FAT1: variants seen among roughly 807,000 people sequenced by gnomAD.
The protein encoded by FAT1 is FAT atypical cadherin 1.
A neutral mutation model predicts 329.8 loss-of-function variants in FAT1; 171 were observed. The observed-to-expected ratio is 0.52, with a 90% CI of 0.46 to 0.59. The LOEUF (loss-of-function observed/expected upper bound fraction) is 0.59, where lower values mean the gene tolerates loss of function less well. FAT1 is among the 20% of genes least tolerant of loss of function. FAT1 has a pLI of 0.00. For synonymous variants in FAT1, 2,233 were observed against 2,228.6 expected (o/e 1.00, Z -0.06); for missense variants, 5,672 against 5,774.4 (o/e 0.98, Z 0.57).
intron 2 of FAT1, among the ~76,000 whole-genome samples, chr4:186,686,188 T>C (rs1743452173): frequency 6.6e-6 from 1 of 151,988 alleles, no homozygotes; most frequent in African/African-American, 2.4e-5. Flanking sequence ...GAGTTCCCCA[T>C]GGTGCAGGAA....
chr4:186,686,608 T>C (rs1743484774), intron 2 of FAT1, among the ~76,000 whole-genome samples: 1 of 152,246 alleles, frequency 6.6e-6, no homozygotes, highest in African/African-American at 2.4e-5. Context: ...GCTGTTTTTT[T>C]TAAGCTGTTC....
intron 26 of FAT1, among the ~76,000 whole-genome samples, chr4:186,591,416 G>A (rs1008219535): frequency 6.6e-6 from 1 of 152,204 alleles, no homozygotes; most frequent in Non-Finnish European, 1.5e-5. Context: ...TAGGTAACAT[G>A]TATCTACAGA....
At position 186,649,224 on chromosome 4, in the gene FAT1, C is replaced by T. The variant is rs566629312; in HGVS notation, c.3581-9441G>A. Among the ~76,000 whole-genome samples, 114 of 152,076 alleles carry T rather than the reference C, an allele frequency of 7.5e-4. 1 individual carries two copies. Among genetic ancestry groups the T allele is most frequent in the Middle Eastern group, 6.8e-3 (2 of 294 alleles). On this transcript the variant is annotated intron_variant, in intron 3 of 26. Transcript: ENST00000441802. ...ATCTTCCTGACAAGTCTGCAACTACCGACCAAATCATTAAAGCCTGTTAGA... is the reference window on the plus strand; with the variant it reads ...ATCTTCCTGACAAGTCTGCAACTACTGACCAAATCATTAAAGCCTGTTAGA...
At chr4:186,646,859 T>C (rs562862020) in intron 3 of FAT1, among the ~76,000 whole-genome samples, 13 of 152,304 alleles carry the variant, frequency 8.5e-5, no homozygotes, top group African/African-American at 3.1e-4. Context: ...GCTTTAGAAT[T>C]GCTGGTGTAC....
At position 186,621,069 on chromosome 4, in the gene FAT1, T is replaced by C. The variant is rs910896634; in HGVS notation, c.5517A>G (p.Glu1839=). ...GGACGGTAAAGTGAAAAATACTTGT[T>C]TCTTCATAGTCCAGACTTAGTACTG... The part of the protein sequence containing the change: ...IHTVLSLDYE[E]TSIFHFTVQV... Residue 1839 remains glutamate, a synonymous_variant, in exon 10 of 27, where the codon GAA becomes GAG. Transcript: ENST00000441802. 1 of 1,613,354 alleles carries C rather than the reference T, an allele frequency of 6.2e-7. No individual in the cohort carries two copies. Among genetic ancestry groups the C allele is most frequent in the Non-Finnish European group, 8.5e-7 (1 of 1,179,900 alleles).
chr4:186,610,838 T>C (rs1739413032), intron 14 of FAT1, among the ~76,000 whole-genome samples: 1 of 151,426 alleles, frequency 6.6e-6, no homozygotes. Context: ...GATGAAGCAT[T>C]CACGCAGCAG....
At chr4:186,720,214 C>A (rs558703330) in intron 1 of FAT1, among the ~76,000 whole-genome samples, 1 of 152,274 alleles carries the variant, frequency 6.6e-6, no homozygotes, top group East Asian at 1.9e-4. Context: ...TTACTATTTT[C>A]TTTGTTTCCT....
chr4:186,645,968 TACACACAC>T lies in FAT1; in HGVS notation c.3581-6193_3581-6186del, dbSNP rs371987938. 1.4e-3 allele frequency among the ~76,000 whole-genome samples: 146 copies of T among 105,228 alleles called. 4 individuals are homozygous for T. Among genetic ancestry groups the T allele is most frequent in the African/African-American group, 5.1e-3 (130 of 25,732 alleles). The allele number at this position is 105,228 out of a possible 152,430, so 69.0% of individuals were successfully genotyped here. A position where few individuals can be genotyped will look rare whatever the true frequency, so the allele number is the denominator to read the frequency against. ...CACAAAAAAAAAAAAAAAAAATATA[TACACACAC>T]ACACACACACACACACACACACACA... On this transcript the variant is annotated intron_variant, in intron 3 of 26. Transcript: ENST00000441802.
chr4:186,690,174 C>A (rs867534473), intron 2 of FAT1, among the ~76,000 whole-genome samples: 10 of 152,288 alleles, frequency 6.6e-5, no homozygotes, highest in Admixed American at 5.9e-4. Flanking sequence ...ACACTTGAGA[C>A]TACAGAGATA....
intron 18 of FAT1, 70 bp downstream of exon 18, chr4:186,604,307 A>G: frequency 7.7e-7 from 1 of 1,304,034 alleles, no homozygotes; most frequent in Non-Finnish European, 1.1e-6. Flanking sequence ...TTCAAATAGA[A>G]GAGGGGAACC....
Position 186,654,428 on chromosome 4 carries a change from G to C in FAT1, c.3580+8871C>G, listed in dbSNP as rs138328831. 2.7e-4 allele frequency among the ~76,000 whole-genome samples: 41 copies of C among 152,214 alleles called. 1 individual carries two copies. The East Asian group carries it at 7.4e-3, about 27-fold the overall frequency. On this transcript the variant is annotated intron_variant, in intron 3 of 26. Transcript: ENST00000441802. The stretch of plus-strand genomic sequence containing the variant: ...GACTTCAGAGAATGAGACAGAAAGG[G>C]GCAAAACAAGGAAAATTAGGCTTTG...
chr4:186,673,174 T>TA (rs1742810566), intron 2 of FAT1, among the ~76,000 whole-genome samples: 1 of 152,148 alleles, frequency 6.6e-6, no homozygotes, highest in Non-Finnish European at 1.5e-5. Flanking sequence ...AGGTCTGAAA[T>TA]AAACAAGGTG....
Position 186,707,612 on chromosome 4 carries a change from A to G in FAT1, c.2216T>C (p.Met739Thr), listed in dbSNP as rs1249672975. 1.2e-6 allele frequency: 2 copies of G among 1,613,924 alleles called. No homozygotes were observed. The highest frequency in any genetic ancestry group is 1.1e-5 in the South Asian group (1 of 91,078). The change falls in exon 2 of 27, where the codon ATG becomes ACG. Residue 739 changes from methionine to threonine, a missense_variant. Physicochemically the swap from Met to Thr is moderately conservative, Grantham distance 81. Transcript: ENST00000441802. ...GCCAGTGTCAAGGTCAGTGGAGTTCATGAAAATTACACTGGAACCCACAGG... is the reference window on the plus strand; with the variant it reads ...GCCAGTGTCAAGGTCAGTGGAGTTCGTGAAAATTACACTGGAACCCACAGG... ...NQPVGSSVIF[M>T]NSTDLDTGFN...
intron 26 of FAT1, among the ~76,000 whole-genome samples, chr4:186,592,469 TA>T (rs3836618): frequency 0.43 from 65,458 of 151,992 alleles, 14,401 homozygotes; most frequent in Middle Eastern, 0.55. Context: ...AGATCTCATG[TA>T]AATCACTATG....
At chr4:186,625,429 T>C (rs767125267) in intron 9 of FAT1, among the ~76,000 whole-genome samples, 1 of 152,228 alleles carries the variant, frequency 6.6e-6, no homozygotes, top group Non-Finnish European at 1.5e-5. Flanking sequence ...AAATTTCAAA[T>C]ATGTTAAATA....
chr4:186,690,152 AAAG>A (rs1202837827), intron 2 of FAT1, among the ~76,000 whole-genome samples: 4 of 152,222 alleles, frequency 2.6e-5, no homozygotes, highest in African/African-American at 4.8e-5. Context: ...AACATTTTAA[AAAG>A]AAGAGCAAAC....
At chr4:186,627,923 T>A (rs531375919) in intron 9 of FAT1, among the ~76,000 whole-genome samples, 1 of 152,158 alleles carries the variant, frequency 6.6e-6, no homozygotes. Flanking sequence ...AGCCTTGAAC[T>A]GGGCTAATAT....
At chr4:186,691,201 G>C (rs1385465853) in intron 2 of FAT1, among the ~76,000 whole-genome samples, 1 of 152,088 alleles carries the variant, frequency 6.6e-6, no homozygotes, top group Non-Finnish European at 1.5e-5. Context: ...TCTAATAAGT[G>C]GTTTCATGGT....
Position 186,645,415 on chromosome 4 carries a change from A to C in FAT1, c.3581-5632T>G, listed in dbSNP as rs1236266288. Among the ~76,000 whole-genome samples the C allele has an allele frequency of 2.8e-3, 196 of 70,724 alleles. 5 individuals are homozygous for C. The highest frequency in any genetic ancestry group is 0.011 in the African/African-American group (183 of 17,116). The allele number at this position is 70,724 out of a possible 152,430, so 46.4% of individuals were successfully genotyped here. A position where few individuals can be genotyped will look rare whatever the true frequency, so the allele number is the denominator to read the frequency against. ...TATATATATATATATATATATATAT[A>C]TATATATGCCTGTAAAAAACTGAGA... On this transcript the variant is annotated intron_variant, in intron 3 of 26. Transcript: ENST00000441802.
Sources: gnomAD v4.1 joint callset for allele counts (sites outside exome capture counted in the v4.1 genomes callset) on GRCh38, gnomAD v4.1.1 for gene constraint, MANE v1.5 for transcripts, NCBI Gene and HGNC (gene_info 2026-07-23, HGNC 2026-07-21) for gene names.